Variants in SPATA13 observed in about 807,000 individuals in gnomAD.
SPATA13 encodes the protein spermatogenesis associated 13.
SPATA13 carries 50 observed loss-of-function variants against 104.0 expected under a neutral mutation model. That is an observed-to-expected ratio of 0.48 (90% CI 0.38 to 0.61). The LOEUF (loss-of-function observed/expected upper bound fraction) is 0.61, where lower values mean the gene tolerates loss of function less well. Among genes scored for constraint, SPATA13 ranks in the 20% least tolerant of loss-of-function variants. SPATA13 has a pLI of 0.00. For synonymous variants in SPATA13, 606 were observed against 667.5 expected, an observed-to-expected ratio of 0.91 and a Z score of 1.42; for missense variants, 1,524 against 1,690.6, an observed-to-expected ratio of 0.90 and a Z score of 1.73.
intron 2 of SPATA13, among the ~76,000 whole-genome samples, chr13:24,233,886 AACAC>A (rs10571334): frequency 0.24 from 34,663 of 147,462 alleles, 4,332 homozygotes; most frequent in East Asian, 0.42. Flanking sequence ...TATACACTTA[AACAC>A]ACACACACAC....
chr13:24,156,389 C>G (rs1882257732), upstream of SPATA13, among the ~76,000 whole-genome samples: 1 of 152,162 alleles, frequency 6.6e-6, no homozygotes, highest in African/African-American at 2.4e-5. Flanking sequence ...TCCGAGCAGA[C>G]AGGGAGGCAC....
intron 1 of SPATA13, among the ~76,000 whole-genome samples, chr13:24,167,301 C>T (rs745712695): frequency 3.3e-5 from 5 of 152,166 alleles, no homozygotes; most frequent in Non-Finnish European, 5.9e-5. Flanking sequence ...AATGAATGCT[C>T]GTTCAGTGTT....
chr13:24,039,834 A>G (rs1292027716), intron 3 of SPATA13, among the ~76,000 whole-genome samples: 1 of 152,190 alleles, frequency 6.6e-6, no homozygotes, highest in African/African-American at 2.4e-5. Context: ...TAATGATACC[A>G]CATTTGCTCC....
At chr13:24,124,365 G>A (rs747716547) in intron 3 of SPATA13, among the ~76,000 whole-genome samples, 2 of 152,172 alleles carry the variant, frequency 1.3e-5, no homozygotes, top group Non-Finnish European at 2.9e-5. Flanking sequence ...CCAGGGAGCA[G>A]GTTGCTGAAA....
intron 3 of SPATA13, among the ~76,000 whole-genome samples, chr13:24,089,469 C>T (rs1246904526): frequency 6.6e-6 from 1 of 152,184 alleles, no homozygotes; most frequent in Non-Finnish European, 1.5e-5. Context: ...AGAGTCTAGA[C>T]TGAAAGACAG....
At chr13:23,992,305 A>G (rs1251337189) in intron 2 of SPATA13, among the ~76,000 whole-genome samples, 1 of 152,218 alleles carries the variant, frequency 6.6e-6, no homozygotes, top group Non-Finnish European at 1.5e-5. Flanking sequence ...TCAGAGCAGC[A>G]TGAGGTATAT....
At chr13:24,164,735 G>A (rs141304625) in intron 1 of SPATA13, among the ~76,000 whole-genome samples, 2,335 of 152,208 alleles carry the variant, frequency 0.015, 28 homozygotes, top group Non-Finnish European at 0.019. Context: ...TGCATCCCTC[G>A]GTGTGTCTGT....
At chr13:24,206,661 G>T (rs1445171158) in intron 1 of SPATA13, among the ~76,000 whole-genome samples, 1 of 152,170 alleles carries the variant, frequency 6.6e-6, no homozygotes, top group Non-Finnish European at 1.5e-5. Flanking sequence ...GGAGGCCGAG[G>T]TGGGTGGATC....
chr13:24,115,328 C>A (rs902426292), intron 3 of SPATA13, among the ~76,000 whole-genome samples: 2 of 152,188 alleles, frequency 1.3e-5, no homozygotes, highest in African/African-American at 4.8e-5. Context: ...ACAACAGGGT[C>A]CCCAGCCCAC....
intron 3 of SPATA13, among the ~76,000 whole-genome samples, chr13:24,074,465 C>T (rs916855593): frequency 6.6e-6 from 1 of 151,908 alleles, no homozygotes; most frequent in Non-Finnish European, 1.5e-5. Context: ...TGGCTATGAA[C>T]CTGGGTGTAT....
intron 3 of SPATA13, among the ~76,000 whole-genome samples, chr13:24,138,072 G>A (rs1297417507): frequency 2.6e-5 from 4 of 152,008 alleles, no homozygotes; most frequent in Non-Finnish European, 4.4e-5. Context: ...AGGCCAGGCA[G>A]GTGGATCACC....
chr13:24,275,818 C>T (rs759377105), intron 4 of SPATA13, among the ~76,000 whole-genome samples: 2 of 152,228 alleles, frequency 1.3e-5, no homozygotes, highest in Admixed American at 1.3e-4. Flanking sequence ...CCTGTAATCT[C>T]AGCTACTCGG....
intron 10 of SPATA13, among the ~76,000 whole-genome samples, chr13:24,296,502 T>C (rs1453180936): frequency 6.6e-6 from 1 of 152,244 alleles, no homozygotes; most frequent in Non-Finnish European, 1.5e-5. Flanking sequence ...AGTTAATTTC[T>C]TGCTGACAAT....
intron 3 of SPATA13, among the ~76,000 whole-genome samples, chr13:24,046,945 GTTTATTAC>G (rs1352350306): frequency 7.1e-6 from 1 of 140,456 alleles, no homozygotes; most frequent in African/African-American, 2.8e-5. Context: ...CAGAACAGGA[GTTTATTAC>G]TTTATTACTC....
At position 24,057,339 on chromosome 13, in the gene SPATA13, G is replaced by C. The variant is rs1423069377; in HGVS notation, c.-112+39638G>C. ...GCTTTGCACTCCCACTGCAGCTGTC[G>C]GTCCTCTTGACAAAGTCCTGAATTT... is the stretch of plus-strand genomic sequence containing the variant. On this transcript the variant is annotated intron_variant, in intron 3 of 14. Coordinates refer to the SPATA13 transcript ENST00000424834. Among the ~76,000 whole-genome samples, 11 of 151,652 alleles carry C rather than the reference G, an allele frequency of 7.3e-5. No individual in the cohort carries two copies. The East Asian group carries it at 1.9e-3, about 27-fold the overall frequency.
chr13:24,019,058 T>G (rs563464974), intron 3 of SPATA13, among the ~76,000 whole-genome samples: 4 of 151,400 alleles, frequency 2.6e-5, no homozygotes, highest in African/African-American at 9.7e-5. Context: ...AAGAAGGGGC[T>G]CCTAAGTTAT....
Position 24,286,752 on chromosome 13 carries a change from A to G in SPATA13, c.2482-13A>G, listed in dbSNP as rs9578698. On this transcript the variant is annotated splice_polypyrimidine_tract_variant and intron_variant, in intron 6 of 12. Coordinates refer to ENST00000382108, the MANE Select transcript of SPATA13 (RefSeq NM_001166271.3). The surrounding 1 kb of genome is among the most constrained non-coding windows in gnomAD (Gnocchi z 4.9). Reference sequence around the variant, plus strand: ...CTGCCCCAAGTCACCTGTCCCCTGTATGTGGGTTGCAGTTGCGAGTGAATC... The same window carrying G: ...CTGCCCCAAGTCACCTGTCCCCTGTGTGTGGGTTGCAGTTGCGAGTGAATC... The G allele has an allele frequency of 1.4e-3, 2,247 of 1,612,940 alleles. 38 individuals are homozygous for G. The African/African-American group carries it at 0.027, about 19-fold the overall frequency.
At chr13:24,235,120 T>G (rs1261200210) in intron 2 of SPATA13, among the ~76,000 whole-genome samples, 1 of 152,196 alleles carries the variant, frequency 6.6e-6, no homozygotes, top group African/African-American at 2.4e-5. Flanking sequence ...GGTCAAACAT[T>G]TCAGTACAGA....
At chr13:24,175,512 A>T (rs1332958789) in intron 1 of SPATA13, among the ~76,000 whole-genome samples, 1 of 152,220 alleles carries the variant, frequency 6.6e-6, no homozygotes, top group Non-Finnish European at 1.5e-5. Flanking sequence ...TCAGAATCAG[A>T]GTCCAGACAG....
Sources: gnomAD v4.1 joint callset for allele counts (sites outside exome capture counted in the v4.1 genomes callset) on GRCh38, gnomAD v4.1.1 for gene constraint, Gnocchi (gnomAD v3.1) non-coding constraint, MANE v1.5 for transcripts, NCBI Gene and HGNC (gene_info 2026-07-23, HGNC 2026-07-21) for gene names.